Variants in DPYD observed in about 807,000 individuals in gnomAD.
The protein encoded by DPYD is dihydropyrimidine dehydrogenase.
DPYD carries 109 observed loss-of-function variants against 116.2 expected under a neutral mutation model. The observed-to-expected ratio is 0.94, with a 90% CI of 0.80 to 1.10. DPYD has a LOEUF of 1.10. Among genes scored for constraint, DPYD ranks in the 50% least tolerant of loss-of-function variants. DPYD has a pLI of 0.00. For synonymous variants in DPYD, 440 were observed against 432.0 expected (o/e 1.02, Z -0.23); for missense variants, 1,302 against 1,254.5 (o/e 1.04, Z -0.57).
At chr1:97,374,379 G>A (rs1442593928) in intron 15 of DPYD, among the ~76,000 whole-genome samples, 1 of 152,026 alleles carries the variant, frequency 6.6e-6, no homozygotes, top group African/African-American at 2.4e-5. Flanking sequence ...CTTAGAATTC[G>A]TGGGAAGTCT....
chr1:97,792,607 T>C (rs1012679568), intron 3 of DPYD, among the ~76,000 whole-genome samples: 7 of 152,136 alleles, frequency 4.6e-5, no homozygotes, highest in African/African-American at 1.7e-4. Flanking sequence ...TTTACACACA[T>C]AGTTTTCTCA....
intron 3 of DPYD, among the ~76,000 whole-genome samples, chr1:97,824,963 C>T (rs114071729): frequency 0.029 from 4,380 of 152,244 alleles, 84 homozygotes; most frequent in Non-Finnish European, 0.043. Flanking sequence ...TGTATTTTCC[C>T]TCTGCCTATT....
intron 12 of DPYD, among the ~76,000 whole-genome samples, chr1:97,530,171 C>G (rs1649494700): frequency 6.7e-6 from 1 of 148,914 alleles, no homozygotes; most frequent in Non-Finnish European, 1.5e-5. Flanking sequence ...TTAAGTCTGA[C>G]TAATATTCTC....
intron 12 of DPYD, among the ~76,000 whole-genome samples, chr1:97,538,266 C>T (rs1348386006): frequency 6.6e-6 from 1 of 152,152 alleles, no homozygotes; most frequent in Non-Finnish European, 1.5e-5. Context: ...TCTCTTCAAA[C>T]CAAAACCACA....
intron 10 of DPYD, among the ~76,000 whole-genome samples, chr1:97,580,089 G>T (rs1359331236): frequency 2.0e-5 from 3 of 152,116 alleles, no homozygotes; most frequent in African/African-American, 7.2e-5. Flanking sequence ...ATAATTAAAA[G>T]CATGATGTCA....
At chr1:97,558,176 C>G (rs1278682770) in intron 11 of DPYD, among the ~76,000 whole-genome samples, 1 of 152,130 alleles carries the variant, frequency 6.6e-6, no homozygotes, top group African/African-American at 2.4e-5. Flanking sequence ...CCCCCCCTTT[C>G]TAGTGAATTA....
At chr1:97,418,089 A>G (rs1268407724) in intron 14 of DPYD, among the ~76,000 whole-genome samples, 1 of 152,184 alleles carries the variant, frequency 6.6e-6, no homozygotes, top group African/African-American at 2.4e-5. Flanking sequence ...ACAAATTTTC[A>G]TCTACTTCCT....
At chr1:97,452,112 AT>A (rs1285018537) in intron 13 of DPYD, among the ~76,000 whole-genome samples, 4 of 152,130 alleles carry the variant, frequency 2.6e-5, no homozygotes, top group Admixed American at 6.6e-5. Flanking sequence ...CGTTAGCAGC[AT>A]CCCTACTCCC....
chr1:97,794,882 A>G (rs1571369515), intron 3 of DPYD, among the ~76,000 whole-genome samples: 1 of 152,218 alleles, frequency 6.6e-6, no homozygotes, highest in East Asian at 1.9e-4. Flanking sequence ...GCTATCTTAA[A>G]TGGTATTGCT....
intron 13 of DPYD, among the ~76,000 whole-genome samples, chr1:97,506,825 T>C (rs1647371739): frequency 6.6e-6 from 1 of 152,026 alleles, no homozygotes; most frequent in South Asian, 2.1e-4. Context: ...ATATTCGAAA[T>C]ACATGCATTA....
intron 12 of DPYD, among the ~76,000 whole-genome samples, chr1:97,524,977 T>C (rs1021281588): frequency 2.6e-5 from 4 of 152,240 alleles, no homozygotes; most frequent in African/African-American, 9.6e-5. Context: ...ATGGCAACTG[T>C]ATCCTTCCAA....
chr1:97,258,572 A>G (rs1335790054), intron 18 of DPYD, among the ~76,000 whole-genome samples: 1 of 152,144 alleles, frequency 6.6e-6, no homozygotes, highest in Non-Finnish European at 1.5e-5. Context: ...ATCAACTCCC[A>G]AATAGGCCAC....
chr1:97,243,916 T>C (rs1355304469), intron 18 of DPYD, among the ~76,000 whole-genome samples: 1 of 151,874 alleles, frequency 6.6e-6, no homozygotes, highest in Non-Finnish European at 1.5e-5. Context: ...CTAAAGATAA[T>C]TATGTCCAAG....
intron 18 of DPYD, among the ~76,000 whole-genome samples, chr1:97,248,610 G>A (rs989668943): frequency 6.6e-6 from 1 of 152,136 alleles, no homozygotes; most frequent in Admixed American, 6.6e-5. Context: ...AGACATATGA[G>A]TATCTCAAAA....
intron 20 of DPYD, among the ~76,000 whole-genome samples, chr1:97,143,214 C>T (rs887589001): frequency 2.4e-4 from 37 of 152,088 alleles, no homozygotes; most frequent in African/African-American, 7.5e-4. Flanking sequence ...AAATAAGTCA[C>T]TTTCATTCTA....
At chr1:97,770,671 T>C (rs1210111554) in intron 3 of DPYD, among the ~76,000 whole-genome samples, 1 of 152,196 alleles carries the variant, frequency 6.6e-6, no homozygotes, top group Non-Finnish European at 1.5e-5. Flanking sequence ...CTAGATAATA[T>C]AACAATTACT....
rs140739627 is a variant in DPYD, at chr1:97,717,172, C to T, written c.483+4338G>A. On this transcript the variant is annotated intron_variant, in intron 5 of 22. Coordinates refer to ENST00000370192, the MANE Select transcript of DPYD (RefSeq NM_000110.4). ...ACTGTTCAGTAGCACAATAGTGTAA[C>T]TGTAGTTAATTATTTATTGTATATT... is the stretch of plus-strand genomic sequence containing the variant. Among the ~76,000 whole-genome samples the T allele has an allele frequency of 3.8e-4, 58 of 152,106 alleles. No individual in the cohort carries two copies. The East Asian group carries it at 6.4e-3, about 17-fold the overall frequency.
intron 8 of DPYD, among the ~76,000 whole-genome samples, chr1:97,605,237 T>C (rs1421404306): frequency 6.6e-6 from 1 of 152,094 alleles, no homozygotes; most frequent in Non-Finnish European, 1.5e-5. Context: ...TATGTTCATA[T>C]CGATATGTGA....
At chr1:97,728,124 T>C (rs920097529) in intron 4 of DPYD, among the ~76,000 whole-genome samples, 1 of 152,012 alleles carries the variant, frequency 6.6e-6, no homozygotes, top group African/African-American at 2.4e-5. Context: ...AGAGATATTT[T>C]ATGTACAAAA....
Sources: gnomAD v4.1 joint callset for allele counts (sites outside exome capture counted in the v4.1 genomes callset) on GRCh38, gnomAD v4.1.1 for gene constraint, MANE v1.5 for transcripts, NCBI Gene and HGNC (gene_info 2026-07-23, HGNC 2026-07-21) for gene names.